SOX5: variants seen among roughly 807,000 people sequenced by gnomAD.
The protein encoded by SOX5 is SRY-box transcription factor 5.
In SOX5, 9 loss-of-function variants were observed where a neutral mutation model predicts 92.0. That is an observed-to-expected ratio of 0.10 (90% CI 0.06 to 0.17). SOX5 has a LOEUF of 0.17. SOX5 is among the 10% of genes least tolerant of loss of function. SOX5 has a pLI of 1.00. For missense variants in SOX5, 642 were observed against 944.5 expected (o/e 0.68, Z 4.20); for synonymous variants, 344 against 336.3 (o/e 1.02, Z -0.25).
intron 1 of SOX5, among the ~76,000 whole-genome samples, chr12:24,547,506 TAAACAAGGA>T (rs1952760861): frequency 6.6e-6 from 1 of 152,174 alleles, no homozygotes; most frequent in South Asian, 2.1e-4. Context: ...AACATTTTTT[TAAACAAGGA>T]AAACAAGGAA....
At chr12:23,768,036 A>T (rs1216584236) in intron 3 of SOX5, among the ~76,000 whole-genome samples, 1 of 152,188 alleles carries the variant, frequency 6.6e-6, no homozygotes, top group Non-Finnish European at 1.5e-5. Flanking sequence ...ATACTATGCC[A>T]TGGATTCCAT....
intron 1 of SOX5, among the ~76,000 whole-genome samples, chr12:23,936,259 A>G (rs1445736501): frequency 6.6e-6 from 1 of 151,034 alleles, no homozygotes. Flanking sequence ...CCCCTCCACA[A>G]ACTTCTTTAA....
intron 2 of SOX5, among the ~76,000 whole-genome samples, chr12:23,893,432 G>A (rs1342582916): frequency 2.0e-5 from 3 of 151,708 alleles, no homozygotes; most frequent in East Asian, 1.9e-4. Flanking sequence ...GTGACAGGGC[G>A]GGACTCCATC....
At chr12:24,364,541 T>TATAC (rs940337602) in intron 2 of SOX5, among the ~76,000 whole-genome samples, 7 of 140,396 alleles carry the variant, frequency 5.0e-5, no homozygotes, top group South Asian at 4.6e-4. Context: ...TATATATATA[T>TATAC]ATACACGAAT....
At chr12:23,692,792 G>A (rs921202146) in intron 6 of SOX5, among the ~76,000 whole-genome samples, 2 of 152,034 alleles carry the variant, frequency 1.3e-5, no homozygotes, top group African/African-American at 4.8e-5. Context: ...TTCTCGCTGT[G>A]GTTATGTCAC....
chr12:24,292,740 T>C (rs1398286010), intron 2 of SOX5, among the ~76,000 whole-genome samples: 3 of 152,258 alleles, frequency 2.0e-5, no homozygotes, highest in African/African-American at 7.2e-5. Flanking sequence ...TGTAATATTC[T>C]CAGACTGTAT....
intron 4 of SOX5, among the ~76,000 whole-genome samples, chr12:24,115,572 G>C (rs1479959281): frequency 6.6e-6 from 1 of 152,144 alleles, no homozygotes; most frequent in Non-Finnish European, 1.5e-5. Flanking sequence ...TTGGGGGAGG[G>C]AAGTATATTT....
Position 23,779,834 on chromosome 12 carries a change from CACACAT to C in SOX5, c.482-24116_482-24111del, listed in dbSNP as rs1162927007. 4.9e-3 allele frequency among the ~76,000 whole-genome samples: 700 copies of C among 143,348 alleles called. 10 individuals are homozygous for C. Among genetic ancestry groups the C allele is most frequent in the Middle Eastern group, 7.4e-3 (2 of 270 alleles). The allele number at this position is 143,348 out of a possible 152,430, so 94.0% of individuals were successfully genotyped here. ...ATATATACACACACACACACACACA[CACACAT>C]ATGCATACATACACATAAATATATG... On this transcript the variant is annotated intron_variant, in intron 3 of 14. Transcript: ENST00000451604.
intron 1 of SOX5, among the ~76,000 whole-genome samples, chr12:24,392,639 C>T (rs965887401): frequency 2.5e-4 from 38 of 152,036 alleles, no homozygotes; most frequent in African/African-American, 8.2e-4. Flanking sequence ...TCTGATTAAT[C>T]GCTATCTTCA....
intron 1 of SOX5, among the ~76,000 whole-genome samples, chr12:23,900,833 A>T (rs1433548131): frequency 6.6e-6 from 1 of 151,956 alleles, no homozygotes; most frequent in Non-Finnish European, 1.5e-5. Context: ...GGTGGTGCAC[A>T]CCTGTAGTTC....
intron 4 of SOX5, among the ~76,000 whole-genome samples, chr12:24,026,607 A>G (rs1252443439): frequency 6.6e-6 from 1 of 151,800 alleles, no homozygotes; most frequent in Non-Finnish European, 1.5e-5. Context: ...AGCAAAAAAA[A>G]AAAAAACAAA....
intron 4 of SOX5, among the ~76,000 whole-genome samples, chr12:24,020,678 C>T (rs932596508): frequency 3.3e-5 from 5 of 152,126 alleles, no homozygotes; most frequent in Admixed American, 1.3e-4. Flanking sequence ...AATTGTTATG[C>T]GAATTGCAGC....
intron 3 of SOX5, among the ~76,000 whole-genome samples, chr12:23,819,959 C>A (rs2096074167): frequency 6.6e-6 from 1 of 152,116 alleles, no homozygotes; most frequent in Non-Finnish European, 1.5e-5. Flanking sequence ...AACAGGATTG[C>A]TGGGTCAAAT....
At chr12:23,972,971 A>G (rs1948511241) in intron 4 of SOX5, among the ~76,000 whole-genome samples, 1 of 151,728 alleles carries the variant, frequency 6.6e-6, no homozygotes, top group Non-Finnish European at 1.5e-5. Flanking sequence ...CCCATCCCTT[A>G]CCACTCCCTC....
intron 1 of SOX5, among the ~76,000 whole-genome samples, chr12:23,927,684 A>G (rs569088064): frequency 3.9e-5 from 6 of 152,202 alleles, no homozygotes; most frequent in Admixed American, 3.9e-4. Flanking sequence ...TTTCTAAAAA[A>G]GAAACTACAA....
intron 1 of SOX5, among the ~76,000 whole-genome samples, chr12:24,516,781 A>G (rs1185562297): frequency 6.6e-6 from 1 of 152,212 alleles, no homozygotes; most frequent in Non-Finnish European, 1.5e-5. Context: ...GGCAGCATTC[A>G]TGGTTAATTA....
intron 4 of SOX5, among the ~76,000 whole-genome samples, chr12:24,153,929 C>T (rs1003762913): frequency 6.6e-6 from 1 of 152,106 alleles, no homozygotes; most frequent in African/African-American, 2.4e-5. Flanking sequence ...AAAGAACCTT[C>T]CTCTCCCCAA....
At chr12:24,547,404 G>A (rs1213220017) in intron 1 of SOX5, among the ~76,000 whole-genome samples, 1 of 150,676 alleles carries the variant, frequency 6.6e-6, no homozygotes, top group African/African-American at 2.4e-5. Context: ...TGTTAGCCAG[G>A]ATGGTCTCGA....
At chr12:23,706,381 A>C (rs1333624869) in intron 6 of SOX5, among the ~76,000 whole-genome samples, 1 of 152,112 alleles carries the variant, frequency 6.6e-6, no homozygotes, top group African/African-American at 2.4e-5. Context: ...TTGCTGGATA[A>C]ATTCTATCTA....
Sources: allele counts gnomAD v4.1 joint callset (sites outside exome capture counted in the v4.1 genomes callset), GRCh38; gene constraint gnomAD v4.1.1; transcripts MANE v1.5; gene names NCBI Gene and HGNC (gene_info 2026-07-23, HGNC 2026-07-21).